NKAIN2: variants seen among roughly 807,000 people sequenced by gnomAD.
NKAIN2 encodes sodium/potassium transporting ATPase interacting 2, also known as sodium/potassium-transporting ATPase subunit beta-1-interacting protein 2.
Under a neutral mutation model 32.6 loss-of-function variants are expected in NKAIN2, and 14 were observed. That is an observed-to-expected ratio of 0.43 (90% CI 0.28 to 0.67). The LOEUF (loss-of-function observed/expected upper bound fraction) is 0.67, where lower values mean the gene tolerates loss of function less well. Ranked by LOEUF, NKAIN2 falls within the 30% of genes least tolerant of loss-of-function variation. The pLI, the probability that NKAIN2 is intolerant of heterozygous loss-of-function variation, is 0.17. For synonymous variants in NKAIN2, 80 were observed against 87.2 expected, an observed-to-expected ratio of 0.92 and a Z score of 0.46; for missense variants, 198 against 258.3, an observed-to-expected ratio of 0.77 and a Z score of 1.60.
intron 2 of NKAIN2, among the ~76,000 whole-genome samples, chr6:124,293,473 A>G (rs977335617): frequency 6.6e-6 from 1 of 152,244 alleles, no homozygotes; most frequent in African/African-American, 2.4e-5. Context: ...TCTGTGGTAT[A>G]GAATAATTCA....
chr6:123,928,781 A>G (rs1776124815), intron 1 of NKAIN2, among the ~76,000 whole-genome samples: 1 of 152,166 alleles, frequency 6.6e-6, no homozygotes, highest in South Asian at 2.1e-4. Context: ...ATGCATCAGC[A>G]TGTGTGCCCA....
In NKAIN2 at chr6:123,991,359, G is replaced by C. The variant is rs141085674; in HGVS notation, c.54+187105G>C. Among the ~76,000 whole-genome samples, 30 of 152,236 alleles carry C rather than the reference G, an allele frequency of 2.0e-4. No homozygotes were observed. The East Asian group carries it at 5.4e-3, about 27-fold the overall frequency. ...GCAGGCATGAGATGGGGTAGGCAAA[G>C]AGTATACTGTGAAAAGAGAAATGAG... On this transcript the variant is annotated intron_variant, in intron 1 of 6. Transcript: ENST00000368417.
chr6:124,804,617 A>C, intron 5 of NKAIN2: 4 of 154,700 alleles, frequency 2.6e-5, no homozygotes, highest in East Asian at 1.9e-4. Flanking sequence ...GGTTCATCTC[A>C]CTAGGGAGTG....
At chr6:124,090,139 G>A (rs539055060) in intron 1 of NKAIN2, among the ~76,000 whole-genome samples, 6 of 151,926 alleles carry the variant, frequency 3.9e-5, no homozygotes, top group East Asian at 3.9e-4. Context: ...AATGTTTGTC[G>A]AATGGATAAG....
chr6:123,829,476 G>A (rs73557552), intron 1 of NKAIN2, among the ~76,000 whole-genome samples: 2,665 of 152,240 alleles, frequency 0.018, 82 homozygotes, highest in African/African-American at 0.061. Flanking sequence ...CTGATTCAGG[G>A]TTTCTAGTCA....
intron 1 of NKAIN2, among the ~76,000 whole-genome samples, chr6:124,029,087 T>G (rs1781290053): frequency 6.6e-6 from 1 of 151,476 alleles, no homozygotes; most frequent in African/African-American, 2.4e-5. Context: ...GGGCTGTTCT[T>G]TTTTAGATAA....
chr6:123,823,578 T>G (rs571918329), intron 1 of NKAIN2, among the ~76,000 whole-genome samples: 1 of 152,294 alleles, frequency 6.6e-6, no homozygotes, highest in East Asian at 1.9e-4. Flanking sequence ...AGTTGTAGAA[T>G]GTGTGTAGAG....
At chr6:124,797,785 C>T (rs779573892) in intron 5 of NKAIN2, among the ~76,000 whole-genome samples, 19 of 151,942 alleles carry the variant, frequency 1.3e-4, no homozygotes, top group African/African-American at 1.9e-4. Context: ...AGCACAATCG[C>T]GTACTCTCAA....
intron 4 of NKAIN2, among the ~76,000 whole-genome samples, chr6:124,710,952 T>A (rs972696839): frequency 1.9e-4 from 29 of 151,262 alleles, no homozygotes; most frequent in African/African-American, 6.3e-4. Flanking sequence ...TTGGCATGAT[T>A]TTGCAGTGGC....
At chr6:124,409,395 T>C (rs1347782838) in intron 3 of NKAIN2, among the ~76,000 whole-genome samples, 3 of 152,204 alleles carry the variant, frequency 2.0e-5, no homozygotes, top group Non-Finnish European at 4.4e-5. Context: ...TGAGAGTTTT[T>C]AGCATGAAGG....
intron 3 of NKAIN2, among the ~76,000 whole-genome samples, chr6:124,626,094 T>C (rs1442569003): frequency 2.9e-3 from 264 of 90,410 alleles, no homozygotes; most frequent in Non-Finnish European, 3.8e-3. Context: ...CCCTCCCCAC[T>C]CCCCACACCC....
chr6:124,343,568 T>G (rs1427434853), intron 2 of NKAIN2, among the ~76,000 whole-genome samples: 2 of 152,242 alleles, frequency 1.3e-5, no homozygotes, highest in Middle Eastern at 3.4e-3. Context: ...GATTTGTATT[T>G]CTCTGATGGT....
At chr6:124,091,776 C>T (rs1043499175) in intron 1 of NKAIN2, among the ~76,000 whole-genome samples, 1 of 151,920 alleles carries the variant, frequency 6.6e-6, no homozygotes, top group Non-Finnish European at 1.5e-5. Flanking sequence ...TGTTTACCTT[C>T]GGTAGTCCTC....
In NKAIN2 at chr6:124,663,806, A is replaced by G. The variant is rs539237657; in HGVS notation, c.474+5420A>G. Among the ~76,000 whole-genome samples the G allele has an allele frequency of 2.0e-3, 307 of 152,332 alleles. 1 individual carries two copies. Among genetic ancestry groups the G allele is most frequent in the African/African-American group, 7.1e-3 (296 of 41,572 alleles). ...ATTTGTCAGTTGGTAGACTATCTGA[A>G]ATAAATTTTGTTATAAATAATTATG... On this transcript the variant is annotated intron_variant, in intron 4 of 6. Coordinates refer to ENST00000368417, the MANE Select transcript of NKAIN2 (RefSeq NM_001040214.3).
chr6:124,308,675 C>T (rs1796607045), intron 2 of NKAIN2, among the ~76,000 whole-genome samples: 1 of 152,154 alleles, frequency 6.6e-6, no homozygotes, highest in African/African-American at 2.4e-5. Flanking sequence ...AATCTATCTT[C>T]TCCTCTTAAG....
chr6:124,664,565 C>T (rs950295099), intron 4 of NKAIN2, among the ~76,000 whole-genome samples: 3 of 151,074 alleles, frequency 2.0e-5, no homozygotes, highest in East Asian at 2.0e-4. Flanking sequence ...GAGGCCGAGG[C>T]GGGCGGATCA....
At chr6:123,807,477 G>A (rs143942338) in intron 1 of NKAIN2, among the ~76,000 whole-genome samples, 1 of 152,162 alleles carries the variant, frequency 6.6e-6, no homozygotes, top group African/African-American at 2.4e-5. Flanking sequence ...AATCATCACT[G>A]CATTTGCAAT....
chr6:124,493,706 A>AC (rs145974986), intron 3 of NKAIN2, among the ~76,000 whole-genome samples: 37,134 of 96,674 alleles, frequency 0.38, 6,214 homozygotes, highest in South Asian at 0.45. Flanking sequence ...CTGCACACCA[A>AC]CCCCCCCCTC....
chr6:123,807,852 A>G (rs1773284693), intron 1 of NKAIN2, among the ~76,000 whole-genome samples: 1 of 152,174 alleles, frequency 6.6e-6, no homozygotes, highest in Admixed American at 6.5e-5. Flanking sequence ...GGGCTGTATG[A>G]AATATTGTTA....
Sources: gnomAD v4.1 joint callset for allele counts (sites outside exome capture counted in the v4.1 genomes callset) on GRCh38, gnomAD v4.1.1 for gene constraint, MANE v1.5 for transcripts, NCBI Gene and HGNC (gene_info 2026-07-23, HGNC 2026-07-21) for gene names.